WAC: variants seen among roughly 807,000 people sequenced by gnomAD.
WAC encodes the protein WW domain-containing adapter protein with coiled-coil.
In WAC, 11 loss-of-function variants were observed where a neutral mutation model predicts 79.6. The ratio of observed to expected loss-of-function variants is 0.14; its 90% confidence interval spans 0.09 to 0.23. The LOEUF (loss-of-function observed/expected upper bound fraction) is 0.23. Ranked by LOEUF, WAC falls within the 10% of genes least tolerant of loss-of-function variation. The pLI, the probability that WAC is intolerant of heterozygous loss-of-function variation, is 1.00. For missense variants in WAC, 728 were observed against 773.5 expected (o/e 0.94, Z 0.70); for synonymous variants, 304 against 276.9 (o/e 1.10, Z -0.97).
At chr10:28,581,799 T>A (rs879377576) in intron 3 of WAC, among the ~76,000 whole-genome samples, 11 of 152,198 alleles carry the variant, frequency 7.2e-5, no homozygotes, top group African/African-American at 1.2e-4. Flanking sequence ...GGACCTCGGG[T>A]GATCCACCTG....
At chr10:28,589,934 T>C in intron 5 of WAC, 83 bp downstream of exon 5, 1 of 1,037,936 alleles carries the variant, frequency 9.6e-7, no homozygotes, top group South Asian at 1.4e-5. Context: ...AACATTCTAA[T>C]TTAGCTTTTT....
At chr10:28,535,058 A>G (rs1162752658) in intron 2 of WAC, among the ~76,000 whole-genome samples, 1 of 151,788 alleles carries the variant, frequency 6.6e-6, no homozygotes, top group Non-Finnish European at 1.5e-5. Context: ...CTGGGAGAGT[A>G]AGGAAGTTAG....
At chr10:28,547,017 T>G (rs1589134854) in intron 3 of WAC, among the ~76,000 whole-genome samples, 1 of 152,286 alleles carries the variant, frequency 6.6e-6, no homozygotes, top group African/African-American at 2.4e-5. Context: ...TTTGTCGATA[T>G]TTTTGGGATA....
intron 3 of WAC, among the ~76,000 whole-genome samples, chr10:28,571,537 G>A (rs1376723137): frequency 1.3e-5 from 2 of 152,170 alleles, no homozygotes; most frequent in Non-Finnish European, 2.9e-5. Flanking sequence ...CTTGACTGAA[G>A]GTTGTTGTCT....
At chr10:28,598,625 C>G (rs1448995100) in intron 7 of WAC, among the ~76,000 whole-genome samples, 2 of 152,144 alleles carry the variant, frequency 1.3e-5, no homozygotes, top group African/African-American at 4.8e-5. Context: ...TATCTCTTAT[C>G]TTAGAAATGA....
In WAC at chr10:28,621,037, C is replaced by T. The variant is rs1021306904; in HGVS notation, c.*1431C>T. 3 of 151,994 alleles carry T rather than the reference C, an allele frequency of 2.0e-5. No homozygotes were observed. The highest frequency in any genetic ancestry group is 4.4e-5 in the Non-Finnish European group (3 of 67,992). 9.4% of individuals were successfully genotyped at this position (151,994 alleles called of 1,614,324 possible). A position where few individuals can be genotyped will look rare whatever the true frequency, so the allele number is the denominator to read the frequency against. ...TTTTCCTTTGCTGAAATATTAGTCA[C>T]ATAGCCTTAGCTTCACACTGCCAGT... On this transcript the variant is annotated 3_prime_UTR_variant, in exon 14 of 14. Transcript: ENST00000354911.
chr10:28,617,365 C>G (rs192528781), intron 12 of WAC, among the ~76,000 whole-genome samples: 2 of 152,206 alleles, frequency 1.3e-5, no homozygotes, highest in Admixed American at 1.3e-4. Flanking sequence ...GACCCAGCAT[C>G]TTTTATTAAC....
At chr10:28,617,517 G>C (rs1276150579) in intron 12 of WAC, 140 bp from the exon 13 acceptor site, 1 of 708,898 alleles carries the variant, frequency 1.4e-6, no homozygotes, top group East Asian at 3.6e-5. Context: ...TTCCCCATTA[G>C]GTTCACCAGC....
chr10:28,533,947 C>T (rs1363366141), intron 1 of WAC, 51 bp from the exon 2 acceptor site: 1 of 1,599,838 alleles, frequency 6.3e-7, no homozygotes, highest in East Asian at 2.3e-5. Context: ...CCTCCCCGGC[C>T]CCCCACCCGC....
At chr10:28,541,049 AT>A (rs1044403405) in intron 3 of WAC, among the ~76,000 whole-genome samples, 3 of 152,102 alleles carry the variant, frequency 2.0e-5, no homozygotes, top group African/African-American at 7.2e-5. Context: ...ATTTAATGGT[AT>A]TTCTATTTTA....
At chr10:28,536,625 T>C (rs932014744) in intron 3 of WAC, among the ~76,000 whole-genome samples, 3 of 152,236 alleles carry the variant, frequency 2.0e-5, no homozygotes, top group African/African-American at 7.2e-5. Context: ...AATATTCTTT[T>C]TAAAAGTTAG....
intron 9 of WAC, chr10:28,611,115 A>G: frequency 1.7e-6 from 1 of 600,476 alleles, no homozygotes; most frequent in Non-Finnish European, 2.5e-6. Flanking sequence ...TTTTATGCCA[A>G]AGCTGAAAGT....
chr10:28,556,849 T>C (rs949207724), intron 3 of WAC, among the ~76,000 whole-genome samples: 1 of 152,200 alleles, frequency 6.6e-6, no homozygotes, highest in Non-Finnish European at 1.5e-5. Flanking sequence ...TGTATTGTTG[T>C]CAAAGCTTAT....
At chr10:28,578,025 A>G (rs1054066613) in intron 3 of WAC, among the ~76,000 whole-genome samples, 6 of 152,130 alleles carry the variant, frequency 3.9e-5, no homozygotes, top group Non-Finnish European at 8.8e-5. Context: ...GGGACATGGT[A>G]GCGTATATCT....
chr10:28,607,851 T>C (rs1841035451), intron 7 of WAC, among the ~76,000 whole-genome samples: 1 of 152,238 alleles, frequency 6.6e-6, no homozygotes, highest in Admixed American at 6.5e-5. Flanking sequence ...TATTTGAATG[T>C]GTGGTTAATA....
chr10:28,556,809 G>C (rs1462255215), intron 3 of WAC, among the ~76,000 whole-genome samples: 1 of 152,058 alleles, frequency 6.6e-6, no homozygotes, highest in African/African-American at 2.4e-5. Context: ...AACATTTTTT[G>C]AAGAGGCTTT....
intron 7 of WAC, among the ~76,000 whole-genome samples, chr10:28,607,661 C>T (rs1440517924): frequency 1.3e-5 from 2 of 152,184 alleles, no homozygotes; most frequent in Non-Finnish European, 2.9e-5. Context: ...AGTCTCTTCT[C>T]ATCACATCTT....
At chr10:28,597,834 T>G (rs1840459096) in intron 7 of WAC, among the ~76,000 whole-genome samples, 1 of 152,228 alleles carries the variant, frequency 6.6e-6, no homozygotes, top group African/African-American at 2.4e-5. Context: ...TTGAGAAATC[T>G]TGGGCTCTTT....
At chr10:28,571,307 G>A (rs1480882966) in intron 3 of WAC, among the ~76,000 whole-genome samples, 2 of 152,162 alleles carry the variant, frequency 1.3e-5, no homozygotes, top group Non-Finnish European at 2.9e-5. Context: ...GCTTAAAAGT[G>A]AAAAGTAAAT....
Sources: gnomAD v4.1 joint callset for allele counts (sites outside exome capture counted in the v4.1 genomes callset) on GRCh38, gnomAD v4.1.1 for gene constraint, MANE v1.5 for transcripts, NCBI Gene and HGNC (gene_info 2026-07-23, HGNC 2026-07-21) for gene names.